The following PDGFC variants were observed in gnomAD, a reference collection of about 807,000 sequenced individuals.
PDGFC encodes platelet derived growth factor C.
In PDGFC, 12 loss-of-function variants were observed where a neutral mutation model predicts 35.5. That is an observed-to-expected ratio of 0.34 (90% CI 0.22 to 0.55). The LOEUF (loss-of-function observed/expected upper bound fraction) is 0.55. Among genes scored for constraint, PDGFC ranks in the 20% least tolerant of loss-of-function variants. The pLI is 0.91. For missense variants in PDGFC, 322 were observed against 412.4 expected, an observed-to-expected ratio of 0.78 and a Z score of 1.90; for synonymous variants, 159 against 148.8, an observed-to-expected ratio of 1.07 and a Z score of -0.50.
intron 1 of PDGFC, among the ~76,000 whole-genome samples, chr4:156,913,803 T>C (rs566000402): frequency 6.6e-6 from 1 of 152,300 alleles, no homozygotes. Flanking sequence ...ACCTCTCTAA[T>C]GGCCCCAGGC....
intron 1 of PDGFC, among the ~76,000 whole-genome samples, chr4:156,969,105 T>C (rs1253271864): frequency 1.3e-5 from 2 of 151,822 alleles, no homozygotes; most frequent in South Asian, 2.1e-4. Context: ...GACAAGGCAA[T>C]AGGAGAAATG....
chr4:156,872,849 A>G (rs1730018869), intron 1 of PDGFC, among the ~76,000 whole-genome samples: 1 of 152,202 alleles, frequency 6.6e-6, no homozygotes, highest in African/African-American at 2.4e-5. Context: ...TAAGATTGTC[A>G]GCCAGGTGCG....
intron 1 of PDGFC, among the ~76,000 whole-genome samples, chr4:156,936,542 T>C (rs1174120390): frequency 6.6e-6 from 1 of 152,182 alleles, no homozygotes; most frequent in Admixed American, 6.5e-5. Context: ...TCTCCATGTA[T>C]TTAGATCATG....
In PDGFC at chr4:156,850,133, T is replaced by C. The variant is rs1729417697; in HGVS notation, c.314+88A>G. The stretch of plus-strand genomic sequence containing the variant: ...CATCAGAAAAATAAAACAAAAGATG[T>C]CATTTAAAATCAGATCATCAAAATT... On this transcript the variant is annotated intron_variant, in intron 2 of 5. Coordinates refer to ENST00000502773, the MANE Select transcript of PDGFC (RefSeq NM_016205.3). 1.1e-5 allele frequency: 7 copies of C among 627,820 alleles called. No homozygotes were observed. The East Asian group carries it at 1.7e-4, about 15-fold the overall frequency. 38.9% of individuals were successfully genotyped at this position (627,820 alleles called of 1,614,324 possible). A position where few individuals can be genotyped will look rare whatever the true frequency, so the allele number is the denominator to read the frequency against.
intron 1 of PDGFC, chr4:156,861,415 T>C (rs993002064): frequency 2.7e-6 from 3 of 1,100,968 alleles, no homozygotes; most frequent in Non-Finnish European, 3.6e-6. Flanking sequence ...AATAAAAATA[T>C]ACGTTTTGCT....
chr4:156,902,368 A>G (rs1730809899), intron 1 of PDGFC, among the ~76,000 whole-genome samples: 2 of 152,198 alleles, frequency 1.3e-5, no homozygotes, highest in South Asian at 4.1e-4. Flanking sequence ...ATAAAGTCAC[A>G]GTTGAAGACC....
intron 1 of PDGFC, among the ~76,000 whole-genome samples, chr4:156,898,064 T>C (rs921632116): frequency 1.3e-5 from 2 of 152,164 alleles, no homozygotes; most frequent in African/African-American, 4.8e-5. Context: ...TAATCCCCAA[T>C]GTGATGGCAT....
chr4:156,843,734 T>G (rs888037003), intron 2 of PDGFC, among the ~76,000 whole-genome samples: 1 of 152,168 alleles, frequency 6.6e-6, no homozygotes, highest in African/African-American at 2.4e-5. Flanking sequence ...GTAGTAACTG[T>G]GGTGAGAACC....
chr4:156,933,435 T>C (rs902562393), intron 1 of PDGFC, among the ~76,000 whole-genome samples: 2 of 152,212 alleles, frequency 1.3e-5, no homozygotes, highest in African/African-American at 4.8e-5. Context: ...TGTTCACAGC[T>C]GAGGTGGAGC....
chr4:156,942,495 T>C (rs1731833126), intron 1 of PDGFC, among the ~76,000 whole-genome samples: 1 of 151,820 alleles, frequency 6.6e-6, no homozygotes, highest in Admixed American at 6.6e-5. Flanking sequence ...TACAGCTGTA[T>C]GAAAATTGAG....
At chr4:156,814,108 C>G (rs1455233107) in intron 2 of PDGFC, among the ~76,000 whole-genome samples, 4 of 143,136 alleles carry the variant, frequency 2.8e-5, no homozygotes, top group African/African-American at 1.1e-4. Context: ...TTAAAAATCT[C>G]TATCTACTTT....
intron 1 of PDGFC, 52 bp downstream of exon 1, chr4:156,970,734 G>A: frequency 8.7e-7 from 1 of 1,154,692 alleles, no homozygotes; most frequent in Non-Finnish European, 1.3e-6. Flanking sequence ...CAATGCCAAC[G>A]TTAACACACA....
chr4:156,811,148 A>C, intron 2 of PDGFC, 131 bp from the exon 3 acceptor site: 1 of 475,140 alleles, frequency 2.1e-6, no homozygotes, highest in Non-Finnish European at 3.7e-6. Context: ...AACCGGGAAC[A>C]TATAATTAAG....
chr4:156,938,843 A>T (rs1292483437), intron 1 of PDGFC, among the ~76,000 whole-genome samples: 4 of 151,458 alleles, frequency 2.6e-5, no homozygotes, highest in African/African-American at 9.7e-5. Flanking sequence ...ATATAAGTAA[A>T]CTATTATTAA....
chr4:156,914,316 C>T (rs539071226), intron 1 of PDGFC, among the ~76,000 whole-genome samples: 12 of 152,104 alleles, frequency 7.9e-5, no homozygotes, highest in Non-Finnish European at 7.4e-5. Flanking sequence ...CCTCCTTCTC[C>T]TATCCCTACC....
intron 1 of PDGFC, among the ~76,000 whole-genome samples, chr4:156,867,839 A>T (rs1035964607): frequency 6.6e-6 from 1 of 152,204 alleles, no homozygotes; most frequent in African/African-American, 2.4e-5. Flanking sequence ...AAAAGAAAAA[A>T]TGTGGAAGTT....
chr4:156,802,555 TACACACAC>T (rs3042776), intron 3 of PDGFC, among the ~76,000 whole-genome samples: 108 of 145,670 alleles, frequency 7.4e-4, no homozygotes, highest in Non-Finnish European at 1.3e-3. Flanking sequence ...TACACACACA[TACACACAC>T]ACACACACAC....
At chr4:156,783,670 ATTG>A (rs1731040162) in intron 3 of PDGFC, among the ~76,000 whole-genome samples, 1 of 152,132 alleles carries the variant, frequency 6.6e-6, no homozygotes, top group Admixed American at 6.6e-5. Flanking sequence ...TCAAATTGAA[ATTG>A]TTGTACGTGT....
chr4:156,956,440 A>G (rs1359509303), intron 1 of PDGFC, among the ~76,000 whole-genome samples: 3 of 152,078 alleles, frequency 2.0e-5, no homozygotes, highest in African/African-American at 7.2e-5. Context: ...TTGTATGTAT[A>G]TTACAGTTTA....
Sources: gnomAD v4.1 joint callset for allele counts (sites outside exome capture counted in the v4.1 genomes callset) on GRCh38, gnomAD v4.1.1 for gene constraint, MANE v1.5 for transcripts, NCBI Gene and HGNC (gene_info 2026-07-23, HGNC 2026-07-21) for gene names.